The following TMEFF2 variants were observed in gnomAD, a reference collection of about 807,000 sequenced individuals.
TMEFF2 encodes the protein transmembrane protein with EGF like and two follistatin like domains 2.
TMEFF2 carries 28 observed loss-of-function variants against 53.8 expected under a neutral mutation model. The observed-to-expected ratio is 0.52, with a 90% CI of 0.39 to 0.71. The LOEUF is 0.71. Ranked by LOEUF, TMEFF2 falls within the 30% of genes least tolerant of loss-of-function variation. The pLI, the probability that TMEFF2 is intolerant of heterozygous loss-of-function variation, is 0.00. For synonymous variants in TMEFF2, 162 were observed against 166.3 expected, an observed-to-expected ratio of 0.97 and a Z score of 0.20; for missense variants, 353 against 455.2, an observed-to-expected ratio of 0.78 and a Z score of 2.04.
chr2:192,139,387 C>A (rs1690085358), intron 4 of TMEFF2, among the ~76,000 whole-genome samples: 1 of 152,118 alleles, frequency 6.6e-6, no homozygotes, highest in Non-Finnish European at 1.5e-5. Flanking sequence ...TTAGGAAGGA[C>A]AGCACCATCA....
At chr2:191,976,879 A>G (rs1384409835) in intron 7 of TMEFF2, among the ~76,000 whole-genome samples, 3 of 152,112 alleles carry the variant, frequency 2.0e-5, no homozygotes, top group Admixed American at 6.5e-5. Flanking sequence ...TTCAAATCCT[A>G]TTTTCGTTTG....
At chr2:192,127,294 T>C (rs1184667106) in intron 4 of TMEFF2, among the ~76,000 whole-genome samples, 4 of 152,190 alleles carry the variant, frequency 2.6e-5, no homozygotes, top group Non-Finnish European at 5.9e-5. Context: ...AGCCAAATAT[T>C]GACTAATAAT....
intron 4 of TMEFF2, among the ~76,000 whole-genome samples, chr2:192,163,437 G>A (rs1406764480): frequency 6.6e-6 from 1 of 152,134 alleles, no homozygotes; most frequent in Non-Finnish European, 1.5e-5. Context: ...GTCACAATCT[G>A]TTACATATCC....
At chr2:191,964,371 TCTCTTTCTTTCTTTCTTTCTTTCTTTC>T (rs1692390726) in intron 7 of TMEFF2, among the ~76,000 whole-genome samples, 1 of 63,632 alleles carries the variant, frequency 1.6e-5, no homozygotes, top group Non-Finnish European at 3.1e-5. Context: ...TTTCTTTCTT[TCTCTTTCTTTCTTTCTTTCTTTCTTTC>T]TCTTTCTTTC....
chr2:192,153,758 C>T (rs570497210), intron 4 of TMEFF2, among the ~76,000 whole-genome samples: 7 of 151,872 alleles, frequency 4.6e-5, no homozygotes, highest in African/African-American at 9.6e-5. Context: ...CAGATGCTGA[C>T]GTACATTGTA....
At chr2:192,033,244 C>T (rs1057421839) in intron 5 of TMEFF2, among the ~76,000 whole-genome samples, 1 of 152,116 alleles carries the variant, frequency 6.6e-6, no homozygotes, top group African/African-American at 2.4e-5. Flanking sequence ...ATGTTTAAGA[C>T]ATAGGCAAAG....
At chr2:192,055,421 T>C (rs1030814411) in intron 5 of TMEFF2, among the ~76,000 whole-genome samples, 1 of 152,178 alleles carries the variant, frequency 6.6e-6, no homozygotes, top group Non-Finnish European at 1.5e-5. Flanking sequence ...TGGCAATCTC[T>C]CAGTTTTGGG....
intron 4 of TMEFF2, among the ~76,000 whole-genome samples, chr2:192,072,903 C>T (rs1252951776): frequency 6.6e-6 from 1 of 151,884 alleles, no homozygotes; most frequent in African/African-American, 2.4e-5. Context: ...ACCAGCACAA[C>T]ACAAGTACTC....
chr2:192,104,698 A>T (rs1689105978), intron 4 of TMEFF2, among the ~76,000 whole-genome samples: 1 of 150,934 alleles, frequency 6.6e-6, no homozygotes, highest in African/African-American at 2.4e-5. Flanking sequence ...TCATTTCATC[A>T]TTTTTTTTTC....
chr2:192,075,715 C>T (rs1048632285), intron 4 of TMEFF2, among the ~76,000 whole-genome samples: 5 of 152,062 alleles, frequency 3.3e-5, no homozygotes, highest in Admixed American at 6.6e-5. Flanking sequence ...CTGTCACTAA[C>T]ATATTTTGCC....
chr2:192,174,902 G>A (rs1423888666), intron 4 of TMEFF2, among the ~76,000 whole-genome samples: 1 of 151,530 alleles, frequency 6.6e-6, no homozygotes, highest in African/African-American at 2.4e-5. Flanking sequence ...TGGTTGGAGA[G>A]GGAATTAGTA....
rs188389829 is a variant in TMEFF2 at position 192,161,596 on chromosome 2, T to C, written c.439+18072A>G. ...TAGTGTAAGCAATTAGTCAACTTGC[T>C]TGAGTCAGGAACGATGTGAAAGTTA... On this transcript the variant is annotated intron_variant, in intron 4 of 9. Transcript: ENST00000272771. Among the ~76,000 whole-genome samples, 5 of 152,344 alleles carry C rather than the reference T, an allele frequency of 3.3e-5. No individual in the cohort carries two copies. The East Asian group carries it at 5.8e-4, about 18-fold the overall frequency.
chr2:192,139,786 G>A (rs1372385084), intron 4 of TMEFF2, among the ~76,000 whole-genome samples: 2 of 152,122 alleles, frequency 1.3e-5, no homozygotes, highest in Non-Finnish European at 2.9e-5. Flanking sequence ...TGCTCATGCT[G>A]CTCCCTTTAA....
chr2:192,004,587 C>A (rs11896017), intron 5 of TMEFF2, among the ~76,000 whole-genome samples: 5,505 of 151,990 alleles, frequency 0.036, 332 homozygotes, highest in African/African-American at 0.13. Context: ...TTGAGAGCAA[C>A]CTGGGCAAAA....
At chr2:192,060,301 G>A (rs981365531) in intron 4 of TMEFF2, among the ~76,000 whole-genome samples, 3 of 152,148 alleles carry the variant, frequency 2.0e-5, no homozygotes, top group East Asian at 1.9e-4. Context: ...CATTAGGTGC[G>A]AGGTATGGTC....
intron 4 of TMEFF2, among the ~76,000 whole-genome samples, chr2:192,134,190 C>T (rs1425485915): frequency 6.6e-6 from 1 of 152,162 alleles, no homozygotes; most frequent in African/African-American, 2.4e-5. Context: ...ATACTTTCTG[C>T]TCCCTGGCTC....
chr2:192,027,570 G>A (rs930657166), intron 5 of TMEFF2, among the ~76,000 whole-genome samples: 1 of 152,180 alleles, frequency 6.6e-6, no homozygotes, highest in Non-Finnish European at 1.5e-5. Context: ...CTTGCCTCCT[G>A]GTATTCATGC....
intron 4 of TMEFF2, among the ~76,000 whole-genome samples, chr2:192,083,985 A>G (rs1688611121): frequency 6.6e-6 from 1 of 152,130 alleles, no homozygotes; most frequent in African/African-American, 2.4e-5. Flanking sequence ...TACCACCACT[A>G]GAATCATTGT....
chr2:192,042,141 C>T (rs1395765338), intron 5 of TMEFF2, among the ~76,000 whole-genome samples: 1 of 151,460 alleles, frequency 6.6e-6, no homozygotes, highest in Non-Finnish European at 1.5e-5. Context: ...GCGGAGGTTG[C>T]AGTGAGCCGA....
Sources: allele counts gnomAD v4.1 joint callset (sites outside exome capture counted in the v4.1 genomes callset), GRCh38; gene constraint gnomAD v4.1.1; transcripts MANE v1.5; gene names NCBI Gene and HGNC (gene_info 2026-07-23, HGNC 2026-07-21).